Variants in ULK4 observed in about 807,000 individuals in gnomAD.
ULK4 encodes inactive serine/threonine-protein kinase ULK4.
Under a neutral mutation model 160.6 loss-of-function variants are expected in ULK4, and 133 were observed. That is an observed-to-expected ratio of 0.83 (90% confidence interval 0.72 to 0.96). ULK4 has a LOEUF of 0.96. Ranked by LOEUF, ULK4 falls within the 40% of genes least tolerant of loss-of-function variation. The pLI is 0.00. For missense variants in ULK4, 1,580 were observed against 1,499.5 expected (o/e 1.05, Z -0.89); for synonymous variants, 534 against 539.8 (o/e 0.99, Z 0.15).
At position 41,684,254 on chromosome 3, in the gene ULK4, C is replaced by T. The variant is rs183724029; in HGVS notation, c.2782-2450G>A. On this transcript the variant is annotated intron_variant, in intron 27 of 36. Coordinates refer to ENST00000301831, the MANE Select transcript of ULK4 (RefSeq NM_017886.4). ...GAGCAAAAGGTTAAGGATTTCTTAC[C>T]AGCCAGGCTTCTGACCTGCTTCTCT... is the stretch of plus-strand genomic sequence containing the variant. 4.6e-5 allele frequency among the ~76,000 whole-genome samples: 7 copies of T among 152,306 alleles called. No homozygotes were observed. The East Asian group carries it at 1.2e-3, about 25-fold the overall frequency.
chr3:41,706,215 G>A (rs1460289286), intron 25 of ULK4, among the ~76,000 whole-genome samples: 1 of 151,788 alleles, frequency 6.6e-6, no homozygotes, highest in Non-Finnish European at 1.5e-5. Flanking sequence ...GAGCTTCCTG[G>A]TCTCTGGCCA....
intron 32 of ULK4, among the ~76,000 whole-genome samples, chr3:41,548,443 C>A (rs889420794): frequency 1.3e-5 from 2 of 152,074 alleles, no homozygotes; most frequent in Non-Finnish European, 2.9e-5. Context: ...AAGACATAGC[C>A]TACCTGCCAC....
intron 33 of ULK4, among the ~76,000 whole-genome samples, chr3:41,462,478 C>A (rs1169018029): frequency 1.3e-5 from 2 of 152,166 alleles, no homozygotes; most frequent in African/African-American, 2.4e-5. Flanking sequence ...CTCTATAAAA[C>A]CACACCTCCT....
intron 31 of ULK4, among the ~76,000 whole-genome samples, chr3:41,580,842 C>T (rs1185493422): frequency 6.6e-6 from 1 of 152,118 alleles, no homozygotes; most frequent in Non-Finnish European, 1.5e-5. Flanking sequence ...CCCTTTTCTG[C>T]CCTAACATTC....
chr3:41,278,332 T>C (rs1157017342), intron 35 of ULK4, among the ~76,000 whole-genome samples: 6 of 152,196 alleles, frequency 3.9e-5, no homozygotes, highest in Non-Finnish European at 8.8e-5. Context: ...CAGCAAGACC[T>C]ACTGCCTCTA....
intron 16 of ULK4, among the ~76,000 whole-genome samples, chr3:41,887,864 T>C (rs1449525047): frequency 6.6e-6 from 1 of 151,780 alleles, no homozygotes; most frequent in Non-Finnish European, 1.5e-5. Flanking sequence ...TACATCATAT[T>C]AAAAAATGAA....
intron 30 of ULK4, among the ~76,000 whole-genome samples, chr3:41,630,724 C>G (rs2033706420): frequency 6.6e-6 from 1 of 152,184 alleles, no homozygotes; most frequent in Non-Finnish European, 1.5e-5. Context: ...CCTACCAGAG[C>G]CTGAACTTGC....
intron 18 of ULK4, among the ~76,000 whole-genome samples, chr3:41,830,763 A>C (rs2041553054): frequency 6.6e-6 from 1 of 152,136 alleles, no homozygotes; most frequent in Admixed American, 6.5e-5. Context: ...ACAAAATAAT[A>C]AAGAATAATT....
At chr3:41,912,031 AGATCCAGGCT>A (rs1180552643) in intron 9 of ULK4, among the ~76,000 whole-genome samples, 2 of 151,664 alleles carry the variant, frequency 1.3e-5, no homozygotes, top group Admixed American at 1.3e-4. Flanking sequence ...AAAAAAAAAA[AGATCCAGGCT>A]GACAGACCAG....
At chr3:41,443,932 G>A in intron 34 of ULK4, among the ~76,000 whole-genome samples, 1 of 151,804 alleles carries the variant, frequency 6.6e-6, no homozygotes, top group Non-Finnish European at 1.5e-5. Flanking sequence ...CCTAAGAATT[G>A]AATTTAATTA....
chr3:41,293,153 G>A (rs1380804812), intron 35 of ULK4, among the ~76,000 whole-genome samples: 1 of 151,762 alleles, frequency 6.6e-6, no homozygotes, highest in Admixed American at 6.6e-5. Context: ...TATAAATAAG[G>A]TAGAAATGAA....
At chr3:41,447,178 TC>T (rs1399700384) in intron 34 of ULK4, among the ~76,000 whole-genome samples, 7 of 151,930 alleles carry the variant, frequency 4.6e-5, no homozygotes, top group Non-Finnish European at 7.4e-5. Context: ...GTTTCACAGT[TC>T]CACATTCAAT....
intron 22 of ULK4, among the ~76,000 whole-genome samples, chr3:41,721,287 G>GTTTTTGGT (rs1559507507): frequency 1.5e-5 from 1 of 68,830 alleles, no homozygotes. Flanking sequence ...TTTTTTTTGG[G>GTTTTTGGT]TTTTGAACCA....
chr3:41,805,510 C>T (rs2040613772), intron 19 of ULK4, among the ~76,000 whole-genome samples: 1 of 151,970 alleles, frequency 6.6e-6, no homozygotes, highest in Admixed American at 6.6e-5. Context: ...GCCAGAACTT[C>T]CAACACTATG....
chr3:41,712,537 G>A (rs1011598723), intron 25 of ULK4, among the ~76,000 whole-genome samples: 1 of 152,196 alleles, frequency 6.6e-6, no homozygotes, highest in African/African-American at 2.4e-5. Flanking sequence ...GCTACTGCAT[G>A]AGATACATTT....
intron 17 of ULK4, among the ~76,000 whole-genome samples, chr3:41,878,622 C>T (rs1697396439): frequency 7.3e-6 from 1 of 137,114 alleles, no homozygotes; most frequent in Non-Finnish European, 1.5e-5. Flanking sequence ...TATCATTTTG[C>T]AACTCTAAAG....
At chr3:41,686,729 G>A (rs546721947) in intron 27 of ULK4, among the ~76,000 whole-genome samples, 3 of 152,224 alleles carry the variant, frequency 2.0e-5, no homozygotes, top group South Asian at 4.1e-4. Flanking sequence ...AAGAGAGAAC[G>A]GCTCCAAGGG....
chr3:41,525,665 T>C (rs2086090062), intron 32 of ULK4, among the ~76,000 whole-genome samples: 1 of 152,384 alleles, frequency 6.6e-6, no homozygotes, highest in East Asian at 1.9e-4. Context: ...CTGTCCTTGA[T>C]GGCTAATACT....
chr3:41,758,726 A>G (rs903765947), intron 21 of ULK4, among the ~76,000 whole-genome samples: 9 of 152,086 alleles, frequency 5.9e-5, no homozygotes, highest in Non-Finnish European at 1.3e-4. Flanking sequence ...ACAAAAAATT[A>G]ACAGGGCGCA....
Sources: allele counts gnomAD v4.1 joint callset (sites outside exome capture counted in the v4.1 genomes callset), GRCh38; gene constraint gnomAD v4.1.1; transcripts MANE v1.5; gene names NCBI Gene and HGNC (gene_info 2026-07-23, HGNC 2026-07-21).